Variants in TOX3 observed in about 807,000 individuals in gnomAD.
TOX3 encodes TOX high mobility group box family member 3, also known as CAG trinucleotide repeat-containing gene F9 protein.
In TOX3, 22 loss-of-function variants were observed where a neutral mutation model predicts 64.3. The observed-to-expected ratio is 0.34, with a 90% CI of 0.24 to 0.49. TOX3 has a LOEUF of 0.49. Among genes scored for constraint, TOX3 ranks in the 20% least tolerant of loss-of-function variants. TOX3 has a pLI of 0.99. For synonymous variants in TOX3, 291 were observed against 273.6 expected, an observed-to-expected ratio of 1.06 and a Z score of -0.63; for missense variants, 661 against 714.4, an observed-to-expected ratio of 0.93 and a Z score of 0.85.
chr16:52,520,135 A>C lies in TOX3; in HGVS notation c.87+26502T>G, dbSNP rs368494626. Among the ~76,000 whole-genome samples the C allele has an allele frequency of 3.3e-5, 5 of 152,338 alleles. 1 individual carries two copies. In the South Asian group the frequency reaches 8.3e-4, roughly 25 times the overall value. On this transcript the variant is annotated intron_variant, in intron 1 of 6. Coordinates refer to ENST00000219746, the MANE Select transcript of TOX3 (RefSeq NM_001080430.4). ...AAATATGGGTATATAAAATCCAAAC[A>C]TAAAAATCAGATCCATAAGACTAAT... is the stretch of plus-strand genomic sequence containing the variant.
intron 1 of TOX3, among the ~76,000 whole-genome samples, chr16:52,520,430 G>A (rs1962579072): frequency 1.3e-5 from 2 of 152,142 alleles, no homozygotes; most frequent in African/African-American, 2.4e-5. Context: ...CCTATTAGGT[G>A]TTATGTTTGT....
At chr16:52,525,953 G>A (rs1962719322) in intron 1 of TOX3, among the ~76,000 whole-genome samples, 1 of 152,180 alleles carries the variant, frequency 6.6e-6, no homozygotes, top group Non-Finnish European at 1.5e-5. Context: ...TTTTAATCTA[G>A]ATCTTCCAGA....
At chr16:52,520,642 T>A (rs1442777291) in intron 1 of TOX3, among the ~76,000 whole-genome samples, 2 of 152,216 alleles carry the variant, frequency 1.3e-5, no homozygotes, top group African/African-American at 4.8e-5. Flanking sequence ...TGGTGCATAT[T>A]CCCTTATTAC....
At chr16:52,512,642 C>T (rs1962342567) in intron 1 of TOX3, among the ~76,000 whole-genome samples, 1 of 152,140 alleles carries the variant, frequency 6.6e-6, no homozygotes, top group African/African-American at 2.4e-5. Context: ...GACTATGTCA[C>T]TTAAAATGAC....
chr16:52,508,213 A>G (rs45579437), intron 1 of TOX3, among the ~76,000 whole-genome samples: 24,579 of 152,248 alleles, frequency 0.16, 2,308 homozygotes, highest in Middle Eastern at 0.25. Context: ...TAATGCAGAT[A>G]CATTCTGGGT....
intron 3 of TOX3, among the ~76,000 whole-genome samples, chr16:52,457,916 G>A (rs1960568781): frequency 6.6e-6 from 1 of 152,132 alleles, no homozygotes; most frequent in East Asian, 1.9e-4. Context: ...GTAAAAAACA[G>A]TGTTCCCTAA....
intron 3 of TOX3, among the ~76,000 whole-genome samples, chr16:52,462,419 T>C (rs992651800): frequency 1.3e-5 from 2 of 152,136 alleles, no homozygotes; most frequent in Non-Finnish European, 1.5e-5. Flanking sequence ...ATGCCTCCTT[T>C]ACACTTTTTT....
intron 1 of TOX3, among the ~76,000 whole-genome samples, chr16:52,492,012 C>G (rs1961700553): frequency 6.6e-6 from 1 of 151,450 alleles, no homozygotes; most frequent in Non-Finnish European, 1.5e-5. Flanking sequence ...GGACTCCAAT[C>G]TGAACAGCTT....
chr16:52,476,648 T>C (rs1961216213), intron 1 of TOX3, among the ~76,000 whole-genome samples: 2 of 152,140 alleles, frequency 1.3e-5, no homozygotes, highest in Admixed American at 6.5e-5. Context: ...TGGTAACACA[T>C]ATGTTGTGAA....
At chr16:52,512,199 C>A (rs918941385) in intron 1 of TOX3, among the ~76,000 whole-genome samples, 1 of 152,168 alleles carries the variant, frequency 6.6e-6, no homozygotes, top group Non-Finnish European at 1.5e-5. Flanking sequence ...GGTAAAGACA[C>A]ATAAATATTG....
rs1356568313 is a variant in TOX3, at chr16:52,525,267, G to A, written c.87+21370C>T. Among the ~76,000 whole-genome samples the A allele has an allele frequency of 2.6e-5, 4 of 152,116 alleles. No individual in the cohort carries two copies. The East Asian group carries it at 5.8e-4, about 22-fold the overall frequency. On this transcript the variant is annotated intron_variant, in intron 1 of 6. Coordinates refer to ENST00000219746, the MANE Select transcript of TOX3 (RefSeq NM_001080430.4). The stretch of plus-strand genomic sequence containing the variant: ...CCATTTAATTAAGTTTGGGGAGGGG[G>A]GTTCTCTATCTTTTCCTCTGTCCTT...
rs747488842 is a variant in TOX3 at position 52,439,920 on chromosome 16, T to C, written c.1036A>G (p.Thr346Ala). The change falls in exon 7 of 7, where the codon ACC becomes GCC. Residue 346 changes from threonine (T) to alanine (A), a missense_variant. Transcript: ENST00000219746. ...GATGTTAGATTGGTCGACGCCAGGG[T>C]CTGCTGAACAGAACGGATGGTCTGG... is the stretch of plus-strand genomic sequence containing the variant. ...EAQTIRSVQQ[T>A]LASTNLTSSL... 6.2e-7 allele frequency: 1 copy of C among 1,603,686 alleles called. No individual in the cohort carries two copies. Among genetic ancestry groups the C allele is most frequent in the Admixed American group, 1.7e-5 (1 of 59,540 alleles).
chr16:52,486,637 T>C (rs954235268), intron 1 of TOX3, among the ~76,000 whole-genome samples: 3 of 152,072 alleles, frequency 2.0e-5, no homozygotes, highest in East Asian at 1.9e-4. Context: ...ATTATAGATA[T>C]AAAGAAATTG....
rs1184368905 is a variant in TOX3 at position 52,437,506 on chromosome 16, T to C, written c.*1719A>G. On this transcript the variant is annotated 3_prime_UTR_variant, in exon 7 of 7. Transcript: ENST00000219746. ...AGTTTAAGACTGTTGCCAGTGGTAATTTGCAATTTTTATCAAGACCTCTTC... is the reference window on the plus strand; with the variant it reads ...AGTTTAAGACTGTTGCCAGTGGTAACTTGCAATTTTTATCAAGACCTCTTC... 6.6e-6 allele frequency: 1 copy of C among 152,180 alleles called. No individual in the cohort carries two copies. The highest frequency in any genetic ancestry group is 1.5e-5 in the Non-Finnish European group (1 of 68,020). 9.4% of individuals were successfully genotyped at this position (152,180 alleles called of 1,614,324 possible). A position where few individuals can be genotyped will look rare whatever the true frequency, so the allele number is the denominator to read the frequency against.
At chr16:52,462,304 G>A (rs964818959) in intron 3 of TOX3, among the ~76,000 whole-genome samples, 2 of 152,042 alleles carry the variant, frequency 1.3e-5, no homozygotes, top group Non-Finnish European at 2.9e-5. Flanking sequence ...TGAAAGCATT[G>A]TTCTTTAAGT....
intron 4 of TOX3, among the ~76,000 whole-genome samples, chr16:52,447,148 T>G (rs1201816909): frequency 2.6e-5 from 4 of 152,204 alleles, no homozygotes; most frequent in African/African-American, 4.8e-5. Context: ...ACTGATCATT[T>G]AACATACTTA....
At chr16:52,506,038 T>A (rs1460987184) in intron 1 of TOX3, among the ~76,000 whole-genome samples, 1 of 152,202 alleles carries the variant, frequency 6.6e-6, no homozygotes, top group Non-Finnish European at 1.5e-5. Context: ...GAAAATTCAA[T>A]GATGAATTTT....
Position 52,532,601 on chromosome 16 carries a change from A to T in TOX3, c.87+14036T>A, listed in dbSNP as rs78722639. Among the ~76,000 whole-genome samples the T allele has an allele frequency of 9.0e-3, 1,376 of 152,352 alleles. 24 individuals carry two copies. Among genetic ancestry groups the T allele is most frequent in the African/African-American group, 0.031 (1,303 of 41,576 alleles). On this transcript the variant is annotated intron_variant, in intron 1 of 6. Transcript: ENST00000219746. ...ATTGCTGACATGCAGAATCAGAAAC[A>T]AAATATGTGTTTTTGAAGTCACAAA... is the stretch of plus-strand genomic sequence containing the variant.
chr16:52,492,557 GTATATAAATATATA>G (rs1310510055), intron 1 of TOX3, among the ~76,000 whole-genome samples: 74 of 51,962 alleles, frequency 1.4e-3, no homozygotes, highest in African/African-American at 7.0e-3. Flanking sequence ...TATATTAGTT[GTATATAAATATATA>G]TATATATATA....
Sources: allele counts gnomAD v4.1 joint callset (sites outside exome capture counted in the v4.1 genomes callset), GRCh38; gene constraint gnomAD v4.1.1; transcripts MANE v1.5; gene names NCBI Gene and HGNC (gene_info 2026-07-23, HGNC 2026-07-21).